Variants in LEPR observed in about 807,000 individuals in gnomAD.
LEPR encodes the protein leptin receptor.
LEPR carries 56 observed loss-of-function variants against 114.7 expected under a neutral mutation model. That is an observed-to-expected ratio of 0.49 (90% CI 0.39 to 0.61). The LOEUF (loss-of-function observed/expected upper bound fraction) is 0.61, where lower values mean the gene tolerates loss of function less well. LEPR is among the 20% of genes least tolerant of loss of function. The probability of loss-of-function intolerance (pLI) is 0.00; values close to 1 mark genes in which losing one functional copy is unlikely to be tolerated. For missense variants in LEPR, 1,202 were observed against 1,352.9 expected, an observed-to-expected ratio of 0.89 and a Z score of 1.75; for synonymous variants, 443 against 461.4, an observed-to-expected ratio of 0.96 and a Z score of 0.51.
intron 2 of LEPR, among the ~76,000 whole-genome samples, chr1:65,506,892 T>C (rs1648754835): frequency 6.6e-6 from 1 of 152,188 alleles, no homozygotes; most frequent in African/African-American, 2.4e-5. Flanking sequence ...AACTTATTCC[T>C]AACTGAAACT....
chr1:65,601,523 A>G lies in LEPR; in HGVS notation c.1126A>G (p.Ile376Val). The change falls in exon 9 of 20, where the codon ATT (isoleucine) becomes GTT (valine). Residue 376 changes from isoleucine to valine, a missense_variant. By Grantham distance (29) the Ile-to-Val change is conservative. Transcript: ENST00000349533. ...TTGGTGGATGAATTTAGCTGAGAAA[A>G]TTCCTCAAAGCCAGTATGATGTTGT... is the stretch of plus-strand genomic sequence containing the variant. ...IVWWMNLAEK[I>V]PQSQYDVVSD... The G allele has an allele frequency of 6.2e-7, 1 of 1,613,806 alleles. No homozygotes were observed. Among genetic ancestry groups the G allele is most frequent in the Non-Finnish European group, 8.5e-7 (1 of 1,179,754 alleles).
chr1:65,635,341 GC>G (rs1334212949), intron 19 of LEPR: 5 of 984,294 alleles, frequency 5.1e-6, no homozygotes, highest in Non-Finnish European at 6.0e-6. Flanking sequence ...TATGAATTGA[GC>G]TTTTTGCCCA....
chr1:65,425,365 T>G lies in LEPR; in HGVS notation c.-34T>G. The G allele has an allele frequency of 6.2e-7, 1 of 1,603,518 alleles. No homozygotes were observed. The highest frequency in any genetic ancestry group is 1.1e-5 in the South Asian group (1 of 88,732). On this transcript the variant is annotated 5_prime_UTR_variant, in exon 2 of 20. Transcript: ENST00000349533. ...GACTTTTCTTATGCTGGGATGTGCC[T>G]TAGAGGATTATGGGTAAGTTATCAT...
chr1:65,557,403 T>C (rs1001931283), intron 2 of LEPR, among the ~76,000 whole-genome samples: 1 of 152,168 alleles, frequency 6.6e-6, no homozygotes, highest in Non-Finnish European at 1.5e-5. Flanking sequence ...TTTCACCAAT[T>C]TAAAAAATTT....
intron 3 of LEPR, among the ~76,000 whole-genome samples, chr1:65,568,300 C>A (rs1291227607): frequency 1.3e-5 from 2 of 151,868 alleles, no homozygotes; most frequent in Admixed American, 6.6e-5. Flanking sequence ...GGTTTTGTTA[C>A]ATGGATATGT....
At chr1:65,608,670 A>G in intron 11 of LEPR, 83 bp from the exon 12 acceptor site, 1 of 1,423,344 alleles carries the variant, frequency 7.0e-7, no homozygotes, top group Non-Finnish European at 9.7e-7. Context: ...ATGAATACAG[A>G]TGTATGAAAA....
intron 2 of LEPR, among the ~76,000 whole-genome samples, chr1:65,447,534 C>CTTTTTT (rs576747673): frequency 7.4e-6 from 1 of 135,630 alleles, no homozygotes; most frequent in Admixed American, 7.5e-5. Flanking sequence ...TTTTTCTTTT[C>CTTTTTT]TTTTTTTTTT....
At chr1:65,422,048 A>C (rs1036941438) in intron 1 of LEPR, among the ~76,000 whole-genome samples, 3 of 152,240 alleles carry the variant, frequency 2.0e-5, no homozygotes, top group Non-Finnish European at 4.4e-5. Flanking sequence ...TGTTGGGCTC[A>C]GATGCGGTGG....
At chr1:65,440,916 A>G (rs1359929243) in intron 2 of LEPR, among the ~76,000 whole-genome samples, 2 of 152,242 alleles carry the variant, frequency 1.3e-5, no homozygotes, top group East Asian at 3.8e-4. Flanking sequence ...TATGTCTTTG[A>G]AAGAGGAGAA....
intron 11 of LEPR, among the ~76,000 whole-genome samples, chr1:65,606,609 T>G (rs184590366): frequency 3.3e-5 from 5 of 152,234 alleles, no homozygotes; most frequent in Admixed American, 3.3e-4. Context: ...TCACGTAAAC[T>G]ATTGAACTTC....
At chr1:65,609,874 A>G in intron 12 of LEPR, 73 bp from the exon 13 acceptor site, 1 of 1,602,134 alleles carries the variant, frequency 6.2e-7, no homozygotes, top group South Asian at 1.1e-5. Context: ...GTTTAAAATA[A>G]AATGTACTTC....
chr1:65,459,860 C>G (rs1646922639), intron 2 of LEPR, among the ~76,000 whole-genome samples: 1 of 152,198 alleles, frequency 6.6e-6, no homozygotes, highest in South Asian at 2.1e-4. Flanking sequence ...CATCTTACCT[C>G]AGAACCTTTG....
chr1:65,459,866 C>A (rs151241021), intron 2 of LEPR, among the ~76,000 whole-genome samples: 250 of 152,006 alleles, frequency 1.6e-3, no homozygotes, highest in African/African-American at 5.8e-3. Flanking sequence ...ACCTCAGAAC[C>A]TTTGCCCTTG....
At chr1:65,450,962 T>C (rs1238730997) in intron 2 of LEPR, among the ~76,000 whole-genome samples, 2 of 150,330 alleles carry the variant, frequency 1.3e-5, no homozygotes, top group African/African-American at 2.4e-5. Flanking sequence ...TTTTAATGAT[T>C]GCCATTCTAA....
rs1651537067 is a variant in LEPR, at chr1:65,544,822, A to C, written c.-20-20724A>C. Among the ~76,000 whole-genome samples, 3 of 150,568 alleles carry C rather than the reference A, an allele frequency of 2.0e-5. 1 individual carries two copies. The South Asian group carries it at 6.3e-4, about 31-fold the overall frequency. Reference sequence around the variant, plus strand: ...TTTTATTTTATTTATTATTATTATTATACTTTAAGTTTTAGGGTACATGTG... The same window carrying C: ...TTTTATTTTATTTATTATTATTATTCTACTTTAAGTTTTAGGGTACATGTG... On this transcript the variant is annotated intron_variant, in intron 2 of 19. Transcript: ENST00000349533.
chr1:65,512,076 CA>C (rs1266184127), intron 2 of LEPR, among the ~76,000 whole-genome samples: 1 of 152,030 alleles, frequency 6.6e-6, no homozygotes, highest in Non-Finnish European at 1.5e-5. Context: ...GGAGCAGGAA[CA>C]AGAGGGTGAA....
chr1:65,425,404 A>G (rs923201843), intron 2 of LEPR, 26 bp downstream of exon 2: 11 of 1,570,432 alleles, frequency 7.0e-6, no homozygotes, highest in African/African-American at 1.4e-5. Flanking sequence ...AAAAAGAACT[A>G]TTCCTCTTTC....
chr1:65,448,513 A>C (rs980032371), intron 2 of LEPR, among the ~76,000 whole-genome samples: 2 of 152,170 alleles, frequency 1.3e-5, no homozygotes, highest in Non-Finnish European at 2.9e-5. Context: ...GGTTTTGGTA[A>C]TAAGGTAATG....
chr1:65,493,478 T>C (rs1470536051), intron 2 of LEPR, among the ~76,000 whole-genome samples: 1 of 152,142 alleles, frequency 6.6e-6, no homozygotes, highest in Non-Finnish European at 1.5e-5. Context: ...CCCTCTTTTT[T>C]CTCCCAAGGG....
Sources: gnomAD v4.1 joint callset for allele counts (sites outside exome capture counted in the v4.1 genomes callset) on GRCh38, gnomAD v4.1.1 for gene constraint, MANE v1.5 for transcripts, NCBI Gene and HGNC (gene_info 2026-07-23, HGNC 2026-07-21) for gene names.